Variants in PSD3 observed in about 807,000 individuals in gnomAD.
PSD3 encodes the protein PH and SEC7 domain-containing protein 3.
A neutral mutation model predicts 105.5 loss-of-function variants in PSD3; 49 were observed. The ratio of observed to expected loss-of-function variants is 0.46; its 90% confidence interval spans 0.37 to 0.59. The LOEUF (loss-of-function observed/expected upper bound fraction) is 0.59, where lower values mean the gene tolerates loss of function less well. PSD3 is among the 20% of genes least tolerant of loss of function. The probability of loss-of-function intolerance (pLI) is 0.00; values close to 1 mark genes in which losing one functional copy is unlikely to be tolerated. For synonymous variants in PSD3, 557 were observed against 457.8 expected (o/e 1.22, Z -2.77); for missense variants, 1,561 against 1,263.8 (o/e 1.24, Z -3.57).
chr8:18,625,674 GCTA>G (rs753638095), intron 11 of PSD3, among the ~76,000 whole-genome samples: 4 of 152,098 alleles, frequency 2.6e-5, no homozygotes, highest in Non-Finnish European at 4.4e-5. Context: ...TTAACAATAT[GCTA>G]CTATTAGTTT....
intron 9 of PSD3, among the ~76,000 whole-genome samples, chr8:18,704,923 T>C (rs1801801483): frequency 6.6e-6 from 1 of 151,928 alleles, no homozygotes; most frequent in Non-Finnish European, 1.5e-5. Flanking sequence ...AATTTAAAAA[T>C]TGGAAAAAAT....
intron 10 of PSD3, among the ~76,000 whole-genome samples, chr8:18,637,588 C>T (rs1028702850): frequency 6.6e-6 from 1 of 152,144 alleles, no homozygotes; most frequent in Non-Finnish European, 1.5e-5. Context: ...AAGATTCATC[C>T]ATATTGTAAT....
At chr8:18,801,144 A>G (rs1176866291) in intron 7 of PSD3, 126 bp downstream of exon 7, 1 of 559,608 alleles carries the variant, frequency 1.8e-6, no homozygotes, top group Non-Finnish European at 3.1e-6. Context: ...TGAAGTAAAC[A>G]GAAGTGTTAA....
rs181177217 is a variant in PSD3, at chr8:18,937,640, A to C, written c.22-1498T>G. ...TTAATGTTCATAACGCGTCAAATGT[A>C]TCGGTCTGAAAAAAGGTGCATACTC... On this transcript the variant is annotated intron_variant, in intron 1 of 15. Transcript: ENST00000327040. Among the ~76,000 whole-genome samples the C allele has an allele frequency of 2.6e-5, 4 of 152,312 alleles. No individual in the cohort carries two copies. The East Asian group carries it at 7.7e-4, about 29-fold the overall frequency.
At chr8:18,614,381 G>T (rs1163815831) in intron 11 of PSD3, among the ~76,000 whole-genome samples, 1 of 133,268 alleles carries the variant, frequency 7.5e-6, no homozygotes, top group Admixed American at 8.6e-5. Context: ...CTAGCATGTA[G>T]ATGGCATCAT....
At chr8:18,938,483 C>T (rs778819562) in intron 1 of PSD3, among the ~76,000 whole-genome samples, 1 of 152,046 alleles carries the variant, frequency 6.6e-6, no homozygotes, top group Non-Finnish European at 1.5e-5. Context: ...ATTGGCCAGG[C>T]GTGGAGCCAT....
intron 12 of PSD3, among the ~76,000 whole-genome samples, chr8:18,577,552 T>C (rs779770080): frequency 6.6e-6 from 1 of 152,110 alleles, no homozygotes; most frequent in Non-Finnish European, 1.5e-5. Context: ...CTGGTGCATT[T>C]AGGTTTATAA....
chr8:18,681,813 T>C (rs971070736), intron 9 of PSD3, among the ~76,000 whole-genome samples: 1 of 152,032 alleles, frequency 6.6e-6, no homozygotes, highest in Admixed American at 6.5e-5. Flanking sequence ...ATATCTCTTG[T>C]GAGATATTGG....
intron 1 of PSD3, among the ~76,000 whole-genome samples, chr8:18,971,584 G>A (rs1381518117): frequency 6.6e-6 from 1 of 152,228 alleles, no homozygotes; most frequent in African/African-American, 2.4e-5. Flanking sequence ...AGCACAAGGA[G>A]TTTGAGTCCC....
chr8:18,823,276 T>C (rs1812895323), intron 4 of PSD3, among the ~76,000 whole-genome samples: 1 of 152,164 alleles, frequency 6.6e-6, no homozygotes, highest in Non-Finnish European at 1.5e-5. Context: ...CTCCTTCAAC[T>C]ATAATCAAGT....
intron 2 of PSD3, among the ~76,000 whole-genome samples, chr8:18,934,479 C>T (rs1170074978): frequency 5.3e-5 from 8 of 152,152 alleles, no homozygotes; most frequent in East Asian, 1.9e-4. Flanking sequence ...GGCGTGATCT[C>T]GGCTCACTGC....
At chr8:18,745,619 T>C (rs1015464416) in intron 9 of PSD3, among the ~76,000 whole-genome samples, 6 of 152,340 alleles carry the variant, frequency 3.9e-5, no homozygotes, top group African/African-American at 1.2e-4. Context: ...TTCATTTTAC[T>C]GGTGAACAGT....
chr8:18,738,638 G>A (rs1280847892), intron 9 of PSD3, among the ~76,000 whole-genome samples: 1 of 152,040 alleles, frequency 6.6e-6, no homozygotes, highest in East Asian at 1.9e-4. Flanking sequence ...AACACAAGTA[G>A]GCTGAAAATC....
At chr8:18,800,043 A>G (rs1318888471) in intron 7 of PSD3, among the ~76,000 whole-genome samples, 3 of 152,222 alleles carry the variant, frequency 2.0e-5, no homozygotes, top group African/African-American at 7.2e-5. Context: ...CCAAATGGCT[A>G]AAAGTATATT....
chr8:18,790,491 A>T (rs1184236522), intron 8 of PSD3, among the ~76,000 whole-genome samples: 1 of 151,430 alleles, frequency 6.6e-6, no homozygotes, highest in African/African-American at 2.4e-5. Flanking sequence ...TTTAGTAGAG[A>T]TGGGGTTTCA....
intron 9 of PSD3, among the ~76,000 whole-genome samples, chr8:18,708,116 A>C (rs2129420279): frequency 6.6e-6 from 1 of 152,348 alleles, no homozygotes; most frequent in Non-Finnish European, 1.5e-5. Context: ...GAGAAAGGGA[A>C]AACAGACAGA....
intron 4 of PSD3, among the ~76,000 whole-genome samples, chr8:18,848,659 T>A (rs1474004873): frequency 6.6e-6 from 1 of 152,194 alleles, no homozygotes; most frequent in Admixed American, 6.5e-5. Flanking sequence ...TGTGTAGTGG[T>A]GGGTGCCTAT....
At chr8:18,804,347 A>G in intron 6 of PSD3, 175 bp downstream of exon 6, 1 of 575,170 alleles carries the variant, frequency 1.7e-6, no homozygotes, top group Non-Finnish European at 2.9e-6. Context: ...TCTAAACCTG[A>G]CAAAATCCAA....
intron 9 of PSD3, among the ~76,000 whole-genome samples, chr8:18,703,092 G>A (rs1314507208): frequency 6.6e-6 from 1 of 152,158 alleles, no homozygotes; most frequent in Non-Finnish European, 1.5e-5. Flanking sequence ...TTATTTGAGA[G>A]TGTCGAGAGC....
Sources: allele counts gnomAD v4.1 joint callset (sites outside exome capture counted in the v4.1 genomes callset), GRCh38; gene constraint gnomAD v4.1.1; transcripts MANE v1.5; gene names NCBI Gene and HGNC (gene_info 2026-07-23, HGNC 2026-07-21).